NKAIN3: variants seen among roughly 807,000 people sequenced by gnomAD.
NKAIN3 encodes sodium/potassium-transporting ATPase subunit beta-1-interacting protein 3.
A neutral mutation model predicts 30.2 loss-of-function variants in NKAIN3; 25 were observed. The observed-to-expected ratio is 0.83, with a 90% CI of 0.60 to 1.16. The LOEUF is 1.16. Among genes scored for constraint, NKAIN3 ranks in the 50% most tolerant of loss-of-function variants. NKAIN3 has a pLI of 0.00. For missense variants in NKAIN3, 225 were observed against 254.1 expected, an observed-to-expected ratio of 0.89 and a Z score of 0.78; for synonymous variants, 91 against 89.6, an observed-to-expected ratio of 1.02 and a Z score of -0.09.
At chr8:62,627,174 A>G (rs1250318449) in intron 3 of NKAIN3, among the ~76,000 whole-genome samples, 1 of 152,186 alleles carries the variant, frequency 6.6e-6, no homozygotes, top group Non-Finnish European at 1.5e-5. Flanking sequence ...TAATTGTGCC[A>G]GTTACTCTGT....
chr8:62,291,755 G>T (rs1008976950), intron 1 of NKAIN3, among the ~76,000 whole-genome samples: 3 of 152,152 alleles, frequency 2.0e-5, no homozygotes, highest in African/African-American at 7.2e-5. Flanking sequence ...TATTAGGTCT[G>T]CATGGTGCAG....
chr8:62,324,530 C>T (rs1189142622), intron 1 of NKAIN3, among the ~76,000 whole-genome samples: 1 of 152,018 alleles, frequency 6.6e-6, no homozygotes, highest in Admixed American at 6.6e-5. Flanking sequence ...TAATAAGATG[C>T]ATATTAGAAA....
At chr8:62,309,044 T>C (rs1478272546) in intron 1 of NKAIN3, among the ~76,000 whole-genome samples, 1 of 150,548 alleles carries the variant, frequency 6.6e-6, no homozygotes, top group African/African-American at 2.5e-5. Context: ...AAATGTCCTG[T>C]GTTGTATTTA....
intron 3 of NKAIN3, among the ~76,000 whole-genome samples, chr8:62,729,877 G>T (rs1815412480): frequency 6.6e-6 from 1 of 152,112 alleles, no homozygotes; most frequent in African/African-American, 2.4e-5. Flanking sequence ...GTGTACACAG[G>T]TGGATGTGTG....
At chr8:62,469,449 C>T (rs943627942) in intron 1 of NKAIN3, among the ~76,000 whole-genome samples, 1 of 151,214 alleles carries the variant, frequency 6.6e-6, no homozygotes, top group Admixed American at 6.6e-5. Context: ...AACGTGAGCT[C>T]TCTACTCTAC....
At chr8:62,328,342 G>A (rs1031263992) in intron 1 of NKAIN3, among the ~76,000 whole-genome samples, 1 of 151,948 alleles carries the variant, frequency 6.6e-6, no homozygotes, top group Non-Finnish European at 1.5e-5. Flanking sequence ...CTTACTTAAC[G>A]GACCTGCTAT....
At chr8:62,768,034 T>C (rs1816898094) in intron 4 of NKAIN3, among the ~76,000 whole-genome samples, 1 of 152,170 alleles carries the variant, frequency 6.6e-6, no homozygotes, top group Admixed American at 6.6e-5. Flanking sequence ...ACATTATATT[T>C]CTATTAGACA....
rs565980877 is a variant in NKAIN3, at chr8:62,658,909, G to T, written c.273+69115G>T. Among the ~76,000 whole-genome samples, 15 of 152,060 alleles carry T rather than the reference G, an allele frequency of 9.9e-5. No individual in the cohort carries two copies. The South Asian group carries it at 3.1e-3, about 32-fold the overall frequency. On this transcript the variant is annotated intron_variant, in intron 3 of 6. Transcript: ENST00000623646. ...TTACACTGGAGTGTATATCTAGAAT[G>T]CAGGAGTTATTTAAGGCCCTTAAAA...
Position 62,820,487 on chromosome 8 carries a change from G to A in NKAIN3, c.471+73358G>A, listed in dbSNP as rs112487536. ...AATATGGAACTTAGAGTAGGCTTGG[G>A]GAGGGAGGACGTAATGAGCACAGTA... On this transcript the variant is annotated intron_variant, in intron 4 of 6. Coordinates refer to ENST00000623646, the MANE Select transcript of NKAIN3 (RefSeq NM_001304533.3). 5.9e-3 allele frequency among the ~76,000 whole-genome samples: 897 copies of A among 152,256 alleles called. 9 individuals carry two copies. Among genetic ancestry groups the A allele is most frequent in the African/African-American group, 0.02 (838 of 41,568 alleles).
At chr8:62,548,073 C>T (rs561249815) in intron 1 of NKAIN3, among the ~76,000 whole-genome samples, 1 of 152,156 alleles carries the variant, frequency 6.6e-6, no homozygotes, top group Non-Finnish European at 1.5e-5. Flanking sequence ...GGCTCCTAAT[C>T]TCTTGCCTTG....
intron 1 of NKAIN3, among the ~76,000 whole-genome samples, chr8:62,373,158 A>G (rs753581159): frequency 2.0e-5 from 3 of 152,160 alleles, no homozygotes; most frequent in Non-Finnish European, 4.4e-5. Flanking sequence ...GAAGTGCTAC[A>G]TTTCATCCCA....
At chr8:62,903,840 A>G (rs985291726) in intron 4 of NKAIN3, among the ~76,000 whole-genome samples, 1 of 152,118 alleles carries the variant, frequency 6.6e-6, no homozygotes, top group African/African-American at 2.4e-5. Flanking sequence ...GAGTGCCAAG[A>G]GAAGGGGGAA....
At position 62,795,088 on chromosome 8, in the gene NKAIN3, C is replaced by T. The variant is rs374421274; in HGVS notation, c.471+47959C>T. Among the ~76,000 whole-genome samples the T allele has an allele frequency of 4.6e-5, 7 of 152,284 alleles. No homozygotes were observed. In the East Asian group the frequency reaches 5.8e-4, roughly 13 times the overall value. Reference sequence around the variant, plus strand: ...CAGGAATTTGTATAATTAATCAACTCTAAAGATGATTCTGATTCTCAGACC... The same window carrying T: ...CAGGAATTTGTATAATTAATCAACTTTAAAGATGATTCTGATTCTCAGACC... On this transcript the variant is annotated intron_variant, in intron 4 of 6. Coordinates refer to ENST00000623646, the MANE Select transcript of NKAIN3 (RefSeq NM_001304533.3).
chr8:62,704,432 GTTTC>G (rs1814450549), intron 3 of NKAIN3, among the ~76,000 whole-genome samples: 1 of 152,092 alleles, frequency 6.6e-6, no homozygotes, highest in African/African-American at 2.4e-5. Flanking sequence ...TAGGGTGTCT[GTTTC>G]TTTCAAGTAC....
chr8:62,681,034 A>C (rs543932303), intron 3 of NKAIN3, among the ~76,000 whole-genome samples: 8 of 152,338 alleles, frequency 5.3e-5, no homozygotes, highest in African/African-American at 1.9e-4. Context: ...TATTTCAATA[A>C]GGGAGAACAG....
chr8:62,861,895 T>G (rs1820251150), intron 4 of NKAIN3, among the ~76,000 whole-genome samples: 1 of 152,192 alleles, frequency 6.6e-6, no homozygotes, highest in Non-Finnish European at 1.5e-5. Context: ...ATTTCAGTAT[T>G]AGCACAGGTG....
intron 4 of NKAIN3, among the ~76,000 whole-genome samples, chr8:62,858,036 C>G (rs201527967): frequency 2.6e-5 from 4 of 151,332 alleles, no homozygotes; most frequent in Admixed American, 6.6e-5. Context: ...GGGATTTTTT[C>G]TTGTTGTTGT....
intron 5 of NKAIN3, among the ~76,000 whole-genome samples, chr8:62,953,183 T>G (rs972418767): frequency 6.6e-6 from 1 of 152,144 alleles, no homozygotes; most frequent in Non-Finnish European, 1.5e-5. Context: ...CCTACATGCC[T>G]GTATGCCTGT....
intron 4 of NKAIN3, among the ~76,000 whole-genome samples, chr8:62,748,409 C>T (rs770010383): frequency 6.6e-6 from 1 of 152,170 alleles, no homozygotes; most frequent in African/African-American, 2.4e-5. Context: ...GTGAAGTCAA[C>T]ACGCAAGCAT....
Sources: gnomAD v4.1 joint callset for allele counts (sites outside exome capture counted in the v4.1 genomes callset) on GRCh38, gnomAD v4.1.1 for gene constraint, MANE v1.5 for transcripts, NCBI Gene and HGNC (gene_info 2026-07-23, HGNC 2026-07-21) for gene names.